Variants in VSTM4 observed in about 807,000 individuals in gnomAD.
The protein encoded by VSTM4 is V-set and transmembrane domain-containing protein 4.
VSTM4 carries 20 observed loss-of-function variants against 36.4 expected under a neutral mutation model. The observed-to-expected ratio is 0.55, with a 90% CI of 0.39 to 0.80. The LOEUF (loss-of-function observed/expected upper bound fraction) is 0.80, where lower values mean the gene tolerates loss of function less well. VSTM4 is among the 30% of genes least tolerant of loss of function. The pLI is 0.00. For missense variants in VSTM4, 392 were observed against 404.5 expected (o/e 0.97, Z 0.26); for synonymous variants, 182 against 173.9 (o/e 1.05, Z -0.37).
Position 49,069,894 on chromosome 10 carries a change from A to G in VSTM4, c.635-5158T>C, listed in dbSNP as rs1844042288. On this transcript the variant is annotated intron_variant, in intron 4 of 7. Transcript: ENST00000332853. ...GCTATCAAGTCCCAAAATGTGATGA[A>G]TCCAAAATGAGATGTGCTGGAGTGT... 2.0e-5 allele frequency among the ~76,000 whole-genome samples: 3 copies of G among 152,196 alleles called. No individual in the cohort carries two copies. In the South Asian group the frequency reaches 6.2e-4, roughly 32 times the overall value.
chr10:49,074,317 A>G (rs1038501730), intron 4 of VSTM4, among the ~76,000 whole-genome samples: 5 of 152,244 alleles, frequency 3.3e-5, no homozygotes, highest in African/African-American at 1.2e-4. Flanking sequence ...AGTAGAGATC[A>G]TTCCAAAATA....
rs1179468730 is a variant in VSTM4, at chr10:49,024,359, G to C, written c.838-4584C>G. 2.6e-5 allele frequency among the ~76,000 whole-genome samples: 4 copies of C among 152,162 alleles called. No individual in the cohort carries two copies. In the South Asian group the frequency reaches 6.2e-4, roughly 24 times the overall value. ...TCTGGAGGAGGATTCTATGAGCAAGGGGGGATGGAGGGTCAGATACACGCA... is the reference window on the plus strand; with the variant it reads ...TCTGGAGGAGGATTCTATGAGCAAGCGGGGATGGAGGGTCAGATACACGCA... On this transcript the variant is annotated intron_variant, in intron 7 of 7. Coordinates refer to ENST00000332853, the MANE Select transcript of VSTM4 (RefSeq NM_001031746.5).
intron 7 of VSTM4, among the ~76,000 whole-genome samples, chr10:49,037,995 T>C (rs1843459751): frequency 6.6e-6 from 1 of 151,280 alleles, no homozygotes; most frequent in Admixed American, 6.6e-5. Flanking sequence ...ATTGAAACCC[T>C]GTGTGCTCTT....
chr10:49,021,410 G>A (rs544551059), intron 7 of VSTM4, among the ~76,000 whole-genome samples: 1 of 152,040 alleles, frequency 6.6e-6, no homozygotes, highest in Non-Finnish European at 1.5e-5. Flanking sequence ...ACATTTTCAT[G>A]CTACACATGG....
At chr10:49,045,194 GTCTT>G (rs1230489002) in intron 7 of VSTM4, among the ~76,000 whole-genome samples, 2 of 114,882 alleles carry the variant, frequency 1.7e-5, no homozygotes, top group Non-Finnish European at 4.0e-5. Flanking sequence ...AGCTTTGACA[GTCTT>G]TCTTTCTCTC....
chr10:49,115,463 G>A lies in VSTM4; in HGVS notation c.23C>T (p.Ala8Val), dbSNP rs751197008. MRLLALA[A>V]AALLARAPAP... ...CGGAGCCCGCGCCAGCAGCGCGGCC[G>A]CCGCCAGTGCCAGCAGCCGCATCTC... The change falls in exon 1 of 8, where the codon GCG (alanine) becomes GTG (valine). Residue 8 changes from alanine (A) to valine (V), a missense_variant. Ala to Val is a moderately conservative substitution (Grantham distance 64). Transcript: ENST00000332853. 304 of 1,035,376 alleles carry A rather than the reference G, an allele frequency of 2.9e-4. 1 individual carries two copies. In the African/African-American group the frequency reaches 4.6e-3, roughly 16 times the overall value. 64.1% of individuals were successfully genotyped at this position (1,035,376 alleles called of 1,614,324 possible).
At chr10:49,102,630 A>G (rs1324667485) in intron 2 of VSTM4, 63 of 985,254 alleles carry the variant, frequency 6.4e-5, no homozygotes, top group Non-Finnish European at 7.2e-5. Flanking sequence ...TGGAGCCCCA[A>G]AAAATATGTA....
chr10:49,036,017 T>G (rs1029836750), intron 7 of VSTM4, among the ~76,000 whole-genome samples: 1 of 152,158 alleles, frequency 6.6e-6, no homozygotes, highest in Non-Finnish European at 1.5e-5. Context: ...TGGCACTAAC[T>G]GTGTGGCCTG....
intron 3 of VSTM4, among the ~76,000 whole-genome samples, chr10:49,083,100 C>T (rs1322700574): frequency 2.0e-5 from 3 of 152,254 alleles, no homozygotes; most frequent in Admixed American, 6.5e-5. Flanking sequence ...CCGCTCTCCC[C>T]TGCTTTCTGA....
chr10:49,065,420 T>C (rs1843955931), intron 4 of VSTM4, among the ~76,000 whole-genome samples: 1 of 152,172 alleles, frequency 6.6e-6, no homozygotes, highest in African/African-American at 2.4e-5. Context: ...TCCACACCCA[T>C]GTGTACCCCC....
chr10:49,055,847 C>A (rs1843770352), intron 5 of VSTM4, among the ~76,000 whole-genome samples: 1 of 152,234 alleles, frequency 6.6e-6, no homozygotes, highest in Non-Finnish European at 1.5e-5. Context: ...TAAGTGCCTA[C>A]AGGGAGTCAC....
chr10:49,048,642 G>GAA (rs367646384), intron 5 of VSTM4, 58 bp from the exon 6 acceptor site: 160 of 1,160,994 alleles, frequency 1.4e-4, no homozygotes, highest in Middle Eastern at 6.2e-4. Context: ...AAAGAGAAAG[G>GAA]AAAAAAAAAA....
At chr10:49,102,629 A>C (rs972419112) in intron 2 of VSTM4, 11 of 984,888 alleles carry the variant, frequency 1.1e-5, no homozygotes, top group South Asian at 4.7e-5. Context: ...GTGGAGCCCC[A>C]AAAAATATGT....
At chr10:49,032,938 C>CTT (rs10713552) in intron 7 of VSTM4, among the ~76,000 whole-genome samples, 4 of 143,344 alleles carry the variant, frequency 2.8e-5, no homozygotes, top group African/African-American at 1.0e-4. Context: ...CACTCTGATT[C>CTT]TTTTTTTTTT....
At chr10:49,031,431 T>C (rs923051129) in intron 7 of VSTM4, among the ~76,000 whole-genome samples, 4 of 152,242 alleles carry the variant, frequency 2.6e-5, no homozygotes, top group African/African-American at 9.6e-5. Context: ...GTAAATGCTA[T>C]ACAAGTGTTT....
chr10:49,031,791 T>C (rs1192797073), intron 7 of VSTM4, among the ~76,000 whole-genome samples: 1 of 152,096 alleles, frequency 6.6e-6, no homozygotes, highest in African/African-American at 2.4e-5. Context: ...CATTACCTCA[T>C]CCTGTGCCTG....
intron 7 of VSTM4, among the ~76,000 whole-genome samples, chr10:49,031,736 A>G (rs577776091): frequency 1.3e-5 from 2 of 152,310 alleles, no homozygotes; most frequent in South Asian, 4.1e-4. Flanking sequence ...TTCTGAATCC[A>G]GAGTTCTTAT....
chr10:49,052,052 A>G (rs1226567364), intron 5 of VSTM4, among the ~76,000 whole-genome samples: 1 of 152,270 alleles, frequency 6.6e-6, no homozygotes, highest in African/African-American at 2.4e-5. Context: ...AGTTTAATAT[A>G]GAAATGACAC....
At chr10:49,071,155 C>T (rs1844072381) in intron 4 of VSTM4, among the ~76,000 whole-genome samples, 1 of 152,202 alleles carries the variant, frequency 6.6e-6, no homozygotes, top group Non-Finnish European at 1.5e-5. Context: ...AGTATCACAG[C>T]TCACACTGAT....
Sources: gnomAD v4.1 joint callset for allele counts (sites outside exome capture counted in the v4.1 genomes callset) on GRCh38, gnomAD v4.1.1 for gene constraint, MANE v1.5 for transcripts, NCBI Gene and HGNC (gene_info 2026-07-23, HGNC 2026-07-21) for gene names.